EHMT1: variants seen among roughly 807,000 people sequenced by gnomAD.
The protein encoded by EHMT1 is euchromatic histone lysine methyltransferase 1.
Under a neutral mutation model 147.2 loss-of-function variants are expected in EHMT1, and 15 were observed. That is an observed-to-expected ratio of 0.10 (90% CI 0.07 to 0.16). The LOEUF (loss-of-function observed/expected upper bound fraction) is 0.16. EHMT1 is among the 10% of genes least tolerant of loss of function. EHMT1 has a pLI of 1.00. For missense variants in EHMT1, 1,587 were observed against 1,772.4 expected (o/e 0.90, Z 1.88); for synonymous variants, 795 against 709.6 (o/e 1.12, Z -1.91).
intron 10 of EHMT1, chr9:137,764,888 T>G (rs1020557593): frequency 6.6e-6 from 1 of 152,242 alleles, no homozygotes; most frequent in Non-Finnish European, 1.5e-5. Context: ...TGGACTTAGC[T>G]CATAACTTTC....
intron 1 of EHMT1, among the ~76,000 whole-genome samples, chr9:137,634,335 G>A (rs1843823812): frequency 6.6e-6 from 1 of 152,152 alleles, no homozygotes; most frequent in African/African-American, 2.4e-5. Context: ...ATGATGTTAG[G>A]TAGGATCCAG....
At position 137,790,904 on chromosome 9, in the gene EHMT1, A is replaced by G. The variant is rs1198910445; in HGVS notation, c.2439A>G (p.Ala813=). Reference sequence around the variant, plus strand: ...ACCAGAGGACCCCGTTGATGGAAGCAGCCGAAAACAACCATCTGGAAGCAG... The same window carrying G: ...ACCAGAGGACCCCGTTGATGGAAGCGGCCGAAAACAACCATCTGGAAGCAG... ...SEDQRTPLME[A]AENNHLEAVK... Residue 813 remains alanine, a synonymous_variant, in exon 16 of 27, where the codon GCA becomes GCG. Transcript: ENST00000460843. 6 of 1,614,088 alleles carry G rather than the reference A, an allele frequency of 3.7e-6. No individual in the cohort carries two copies. The highest frequency in any genetic ancestry group is 4.2e-6 in the Non-Finnish European group (5 of 1,180,056).
chr9:137,627,645 G>A (rs1241063627), intron 1 of EHMT1, among the ~76,000 whole-genome samples: 1 of 151,610 alleles, frequency 6.6e-6, no homozygotes, highest in African/African-American at 2.4e-5. Flanking sequence ...GGTTCTGTCT[G>A]CTGGTTTGGT....
In EHMT1 at chr9:137,751,897, A is replaced by G. The variant is rs575994665; in HGVS notation, c.1171-434A>G. 5.1e-4 allele frequency among the ~76,000 whole-genome samples: 78 copies of G among 152,218 alleles called. 2 individuals carry two copies. Among genetic ancestry groups the G allele is most frequent in the Middle Eastern group, 6.8e-3 (2 of 294 alleles). On this transcript the variant is annotated intron_variant, in intron 6 of 26. Transcript: ENST00000460843. ...ATGGGTGTGTGGGGGTAGGTCTCAC[A>G]CTGTGTATTGTTTTGTGGCCTCTGA...
chr9:137,670,686 G>C (rs1225517386), intron 1 of EHMT1, among the ~76,000 whole-genome samples: 1 of 152,172 alleles, frequency 6.6e-6, no homozygotes. Flanking sequence ...GAACCAGTTA[G>C]TCCTCACTGA....
chr9:137,802,824 A>G (rs1211501548), intron 18 of EHMT1: 13 of 1,231,786 alleles, frequency 1.1e-5, no homozygotes, highest in African/African-American at 9.3e-5. Context: ...TTTCTACCTC[A>G]TTCCACCGGA....
intron 15 of EHMT1, among the ~76,000 whole-genome samples, chr9:137,783,525 T>G (rs1017580641): frequency 3.3e-5 from 5 of 152,280 alleles, no homozygotes; most frequent in African/African-American, 9.6e-5. Context: ...GTTTTTCTTA[T>G]CTAAAGGTTT....
chr9:137,661,938 G>A (rs753939786), intron 1 of EHMT1, among the ~76,000 whole-genome samples: 1 of 152,118 alleles, frequency 6.6e-6, no homozygotes, highest in East Asian at 1.9e-4. Flanking sequence ...AGGTAGCTGG[G>A]ATTACACGCA....
chr9:137,740,994 T>TTTA (rs1273758152), intron 4 of EHMT1, among the ~76,000 whole-genome samples: 9 of 150,914 alleles, frequency 6.0e-5, no homozygotes, highest in African/African-American at 1.2e-4. Flanking sequence ...TTTGTTTGTT[T>TTTA]GAGACAGAGT....
At chr9:137,678,946 C>T (rs1482669591) in intron 1 of EHMT1, among the ~76,000 whole-genome samples, 4 of 151,918 alleles carry the variant, frequency 2.6e-5, no homozygotes, top group African/African-American at 7.3e-5. Flanking sequence ...GTTTATTTAT[C>T]TTATTTTATT....
chr9:137,657,551 G>A (rs969341564), intron 1 of EHMT1, among the ~76,000 whole-genome samples: 41 of 150,362 alleles, frequency 2.7e-4, no homozygotes, highest in African/African-American at 9.3e-4. Flanking sequence ...TGGGTACATA[G>A]TAGGTGTATT....
Position 137,787,796 on chromosome 9 carries a change from G to T in EHMT1, c.2383-3052G>T. The T allele has an allele frequency of 1.2e-6, 1 of 853,176 alleles. No homozygotes were observed. Among genetic ancestry groups the T allele is most frequent in the East Asian group, 2.4e-5 (1 of 41,436 alleles). 52.9% of individuals were successfully genotyped at this position (853,176 alleles called of 1,614,324 possible). On this transcript the variant is annotated intron_variant, in intron 15 of 26. Transcript: ENST00000460843. The surrounding 1 kb of genome is among the most constrained non-coding windows in gnomAD (Gnocchi z 4.2). ...GAGGGCGTCTAGATCCCAGCCCTGG[G>T]GGCCCTCAGGTTTCAGGGGCCACCC...
rs867060087 is a variant in EHMT1 at position 137,754,908 on chromosome 9, T to C, written c.1369+617T>C. On this transcript the variant is annotated intron_variant, in intron 8 of 26. Transcript: ENST00000460843. ...GTGGCCTGCATGGGCAGCTCCCACG[T>C]TGTGTGCAGGAAGCGGCCCCTCAGT... 4.7e-4 allele frequency among the ~76,000 whole-genome samples: 72 copies of C among 152,258 alleles called. No homozygotes were observed. The Middle Eastern group carries it at 0.014, about 29-fold the overall frequency.
At chr9:137,714,967 C>T (rs186277841) in intron 2 of EHMT1, among the ~76,000 whole-genome samples, 1 of 151,990 alleles carries the variant, frequency 6.6e-6, no homozygotes, top group South Asian at 2.1e-4. Flanking sequence ...TGGCAAATTT[C>T]CTAATACCCT....
At chr9:137,754,022 A>G in intron 7 of EHMT1, 149 bp from the exon 8 acceptor site, 2 of 1,355,566 alleles carry the variant, frequency 1.5e-6, no homozygotes, top group Non-Finnish European at 2.1e-6. Context: ...CGTGTGACCC[A>G]GCAAAATGTC....
intron 4 of EHMT1, 193 bp from the exon 5 acceptor site, chr9:137,743,178 C>T (rs1948253424): frequency 6.6e-6 from 4 of 608,014 alleles, no homozygotes; most frequent in South Asian, 6.0e-5. Context: ...GTTTCTGATT[C>T]TCTGTGAATT....
chr9:137,621,939 T>C (rs1419276363), intron 1 of EHMT1, among the ~76,000 whole-genome samples: 1 of 151,906 alleles, frequency 6.6e-6, no homozygotes, highest in Non-Finnish European at 1.5e-5. Context: ...ATCTCCTGTC[T>C]TTCTTTTTTT....
Position 137,659,901 on chromosome 9 carries a change from C to CT in EHMT1, c.21+40855dup, listed in dbSNP as rs761415867. On this transcript the variant is annotated intron_variant, in intron 1 of 26. Transcript: ENST00000460843. ...CCCTTTTGTATTTTAAGAGACTTTT[C>CT]TTTCTCTTGCAGTCCAAAATGTATT... 1.1e-3 allele frequency among the ~76,000 whole-genome samples: 173 copies of CT among 152,156 alleles called. 1 individual carries two copies. Among genetic ancestry groups the CT allele is most frequent in the Non-Finnish European group, 1.6e-3 (108 of 68,012 alleles).
intron 1 of EHMT1, among the ~76,000 whole-genome samples, chr9:137,626,529 CA>C (rs201748680): frequency 0.025 from 2,018 of 80,700 alleles, 26 homozygotes; most frequent in Non-Finnish European, 0.033. Flanking sequence ...TGTCTCTAAC[CA>C]AAAAAAAAAA....
Sources: gnomAD v4.1 joint callset for allele counts (sites outside exome capture counted in the v4.1 genomes callset) on GRCh38, gnomAD v4.1.1 for gene constraint, Gnocchi (gnomAD v3.1) non-coding constraint, MANE v1.5 for transcripts, NCBI Gene and HGNC (gene_info 2026-07-23, HGNC 2026-07-21) for gene names.